SPOCK1: variants seen among roughly 807,000 people sequenced by gnomAD.
SPOCK1 encodes SPARC (osteonectin), cwcv and kazal like domains proteoglycan 1.
In SPOCK1, 23 loss-of-function variants were observed where a neutral mutation model predicts 55.3. The observed-to-expected ratio is 0.42, with a 90% CI of 0.30 to 0.59. The LOEUF is 0.59. Among genes scored for constraint, SPOCK1 ranks in the 20% least tolerant of loss-of-function variants. SPOCK1 has a pLI of 0.22. For missense variants in SPOCK1, 499 were observed against 552.5 expected (o/e 0.90, Z 0.97); for synonymous variants, 226 against 221.0 (o/e 1.02, Z -0.20).
chr5:137,451,846 A>T (rs1475759787), intron 2 of SPOCK1, among the ~76,000 whole-genome samples: 2 of 152,234 alleles, frequency 1.3e-5, no homozygotes, highest in East Asian at 1.9e-4. Context: ...GTTTTAGCTC[A>T]GTAAGTAAGC....
At chr5:137,248,071 T>C (rs2916627) in intron 3 of SPOCK1, among the ~76,000 whole-genome samples, 10,228 of 152,130 alleles carry the variant, frequency 0.067, 1,051 homozygotes, top group African/African-American at 0.23. Context: ...TTGGGTTAAC[T>C]GTTCTTACCT....
intron 3 of SPOCK1, among the ~76,000 whole-genome samples, chr5:137,231,381 C>T (rs898974234): frequency 4.6e-5 from 7 of 152,176 alleles, no homozygotes; most frequent in African/African-American, 1.4e-4. Context: ...CACCTTCCTG[C>T]TGACCCTGCC....
At chr5:137,336,680 C>A (rs1443979835) in intron 2 of SPOCK1, among the ~76,000 whole-genome samples, 1 of 150,380 alleles carries the variant, frequency 6.6e-6, no homozygotes, top group Non-Finnish European at 1.5e-5. Flanking sequence ...CCCTCTCTGC[C>A]TCCTGATTAC....
chr5:136,992,515 G>T lies in SPOCK1; in HGVS notation c.675C>A (p.Ile225=). The T allele has an allele frequency of 6.2e-7, 1 of 1,613,666 alleles. No homozygotes were observed. Among genetic ancestry groups the T allele is most frequent in the South Asian group, 1.1e-5 (1 of 90,990 alleles). Residue 225 remains isoleucine, a synonymous_variant, in exon 7 of 11, where the codon ATC becomes ATA. Transcript: ENST00000394945. Reference sequence around the variant, plus strand: ...GGGCTGTGTTGGAGCTGGTGGGCTTGATGACTCTGTTCGCATCCTCGTGGA... The same window carrying T: ...GGGCTGTGTTGGAGCTGGTGGGCTTTATGACTCTGTTCGCATCCTCGTGGA... ...GALHEDANRV[I]KPTSSNTAQG...
chr5:137,383,277 A>G (rs1240943304), intron 2 of SPOCK1, among the ~76,000 whole-genome samples: 2 of 152,192 alleles, frequency 1.3e-5, no homozygotes, highest in Non-Finnish European at 2.9e-5. Context: ...ACTGCCTGGT[A>G]CTTGGCAGGG....
chr5:137,250,163 A>G (rs1756481185), intron 3 of SPOCK1, among the ~76,000 whole-genome samples: 1 of 152,252 alleles, frequency 6.6e-6, no homozygotes, highest in Non-Finnish European at 1.5e-5. Context: ...ATAAAATTTT[A>G]TTAAAATGCA....
At chr5:137,244,101 T>C (rs998981787) in intron 3 of SPOCK1, among the ~76,000 whole-genome samples, 1 of 152,120 alleles carries the variant, frequency 6.6e-6, no homozygotes, top group Non-Finnish European at 1.5e-5. Context: ...ATTCAGTGAG[T>C]ATAAAAAATG....
intron 2 of SPOCK1, among the ~76,000 whole-genome samples, chr5:137,298,697 C>T (rs1005109001): frequency 4.6e-5 from 7 of 152,152 alleles, no homozygotes; most frequent in Non-Finnish European, 7.4e-5. Flanking sequence ...ATATTGATGA[C>T]TGTTAGGTTT....
At chr5:137,216,474 G>C (rs1755717900) in intron 3 of SPOCK1, among the ~76,000 whole-genome samples, 1 of 152,202 alleles carries the variant, frequency 6.6e-6, no homozygotes, top group Non-Finnish European at 1.5e-5. Context: ...ACTTTCGGAG[G>C]CCAAGGCGGG....
intron 3 of SPOCK1, among the ~76,000 whole-genome samples, chr5:137,195,243 C>T (rs1010889528): frequency 1.3e-5 from 2 of 152,186 alleles, no homozygotes; most frequent in Non-Finnish European, 2.9e-5. Flanking sequence ...TCCCTCTACT[C>T]GCTTCCACTT....
intron 3 of SPOCK1, among the ~76,000 whole-genome samples, chr5:137,202,231 T>C (rs745752123): frequency 7.9e-5 from 12 of 152,182 alleles, no homozygotes; most frequent in Non-Finnish European, 1.6e-4. Flanking sequence ...GGAAAGGCTA[T>C]GAATAGAATG....
intron 2 of SPOCK1, among the ~76,000 whole-genome samples, chr5:137,465,347 T>C (rs1348791614): frequency 2.0e-5 from 3 of 152,140 alleles, no homozygotes; most frequent in Non-Finnish European, 4.4e-5. Context: ...ATTAAAATCA[T>C]GACAGCTGAA....
chr5:137,005,385 A>G (rs183412559), intron 6 of SPOCK1, among the ~76,000 whole-genome samples: 26 of 131,104 alleles, frequency 2.0e-4, no homozygotes, highest in African/African-American at 6.0e-4. Context: ...GCAGCATTGC[A>G]TCTATGTTCT....
intron 4 of SPOCK1, among the ~76,000 whole-genome samples, chr5:137,120,621 C>A (rs1217757683): frequency 6.6e-6 from 1 of 152,110 alleles, no homozygotes; most frequent in Non-Finnish European, 1.5e-5. Context: ...AGGCACACAC[C>A]AAATGTGTAA....
chr5:137,282,902 C>T lies in SPOCK1; in HGVS notation c.187-15847G>A, dbSNP rs1757193378. Among the ~76,000 whole-genome samples the T allele has an allele frequency of 2.6e-5, 4 of 152,192 alleles. No homozygotes were observed. The South Asian group carries it at 8.3e-4, about 32-fold the overall frequency. ...AGGGGTTCCCATTTGACTAAAGCTG[C>T]CCAGAAAAGTGCCAAGAACTGACTG... is the stretch of plus-strand genomic sequence containing the variant. On this transcript the variant is annotated intron_variant, in intron 2 of 10. Transcript: ENST00000394945.
At chr5:137,233,049 T>C (rs1049224041) in intron 3 of SPOCK1, among the ~76,000 whole-genome samples, 1 of 152,208 alleles carries the variant, frequency 6.6e-6, no homozygotes. Flanking sequence ...GCATCACCAT[T>C]TGACAATATT....
intron 2 of SPOCK1, among the ~76,000 whole-genome samples, chr5:137,396,955 C>T (rs1751863108): frequency 6.6e-6 from 1 of 152,122 alleles, no homozygotes; most frequent in South Asian, 2.1e-4. Context: ...ACTTTGAATG[C>T]TTAAAAAAAC....
intron 4 of SPOCK1, among the ~76,000 whole-genome samples, chr5:137,128,441 C>T (rs575561894): frequency 6.6e-6 from 1 of 152,184 alleles, no homozygotes; most frequent in Non-Finnish European, 1.5e-5. Flanking sequence ...CTGATTGTTC[C>T]CTGAGGAACT....
At chr5:137,069,717 C>T (rs1042178404) in intron 5 of SPOCK1, among the ~76,000 whole-genome samples, 4 of 152,208 alleles carry the variant, frequency 2.6e-5, no homozygotes, top group South Asian at 4.1e-4. Context: ...CTGCCTCCTC[C>T]GCCTCTTCTG....
Sources: allele counts gnomAD v4.1 joint callset (sites outside exome capture counted in the v4.1 genomes callset), GRCh38; gene constraint gnomAD v4.1.1; transcripts MANE v1.5; gene names NCBI Gene and HGNC (gene_info 2026-07-23, HGNC 2026-07-21).